Variants in ARHGAP12 observed in about 807,000 individuals in gnomAD.
The protein encoded by ARHGAP12 is rho GTPase-activating protein 12.
Under a neutral mutation model 108.6 loss-of-function variants are expected in ARHGAP12, and 64 were observed. The ratio of observed to expected loss-of-function variants is 0.59; its 90% confidence interval spans 0.48 to 0.73. The LOEUF is 0.73. Ranked by LOEUF, ARHGAP12 falls within the 30% of genes least tolerant of loss-of-function variation. The pLI is 0.00. For missense variants in ARHGAP12, 940 were observed against 1,005.9 expected (o/e 0.93, Z 0.89); for synonymous variants, 312 against 337.2 (o/e 0.93, Z 0.82).
At chr10:31,856,585 C>T (rs988578613) in intron 4 of ARHGAP12, among the ~76,000 whole-genome samples, 2 of 152,144 alleles carry the variant, frequency 1.3e-5, no homozygotes, top group African/African-American at 4.8e-5. Flanking sequence ...ATTAATACTA[C>T]CTGGGTGGCT....
At chr10:31,893,847 A>G (rs1159509097) in intron 3 of ARHGAP12, among the ~76,000 whole-genome samples, 1 of 152,246 alleles carries the variant, frequency 6.6e-6, no homozygotes, top group Non-Finnish European at 1.5e-5. Context: ...AAAAATCCTC[A>G]ATAAAATACT....
intron 12 of ARHGAP12, 30 bp from the exon 13 acceptor site, chr10:31,817,916 T>A: frequency 6.4e-7 from 1 of 1,561,442 alleles, no homozygotes; most frequent in East Asian, 2.2e-5. Flanking sequence ...GAAAAAAGAG[T>A]ATGGTCAGTT....
rs1554773973 is a variant in ARHGAP12, at chr10:31,816,179, G to GTGTA, written c.1731+1608_1731+1609insTACA. 2.7e-5 allele frequency among the ~76,000 whole-genome samples: 4 copies of GTGTA among 149,860 alleles called. No homozygotes were observed. In the East Asian group the frequency reaches 7.9e-4, roughly 29 times the overall value. ...AAGAAAGAAAGAAACGTGTGTGTGT[G>GTGTA]TGTGTGTGTGTGTGTGTGTGTGTGT... is the stretch of plus-strand genomic sequence containing the variant. On this transcript the variant is annotated intron_variant, in intron 13 of 19. Coordinates refer to ENST00000344936, the MANE Select transcript of ARHGAP12 (RefSeq NM_018287.7).
intron 16 of ARHGAP12, 26 bp from the exon 17 acceptor site, chr10:31,809,333 T>C: frequency 6.2e-7 from 1 of 1,603,734 alleles, no homozygotes; most frequent in Non-Finnish European, 8.5e-7. Flanking sequence ...AATTTGTGTG[T>C]GTGTGTGTTT....
At chr10:31,826,169 A>T in intron 11 of ARHGAP12, 135 bp downstream of exon 11, 1 of 608,812 alleles carries the variant, frequency 1.6e-6, no homozygotes, top group East Asian at 2.9e-5. Context: ...ATGAATCTTT[A>T]AGAAGATTTT....
At chr10:31,848,659 C>A (rs1836556087) in intron 6 of ARHGAP12, among the ~76,000 whole-genome samples, 1 of 152,126 alleles carries the variant, frequency 6.6e-6, no homozygotes, top group Admixed American at 6.5e-5. Flanking sequence ...ATTTATTCAT[C>A]ATATTTACCT....
chr10:31,818,562 A>T (rs1835293875), intron 12 of ARHGAP12, among the ~76,000 whole-genome samples: 1 of 151,990 alleles, frequency 6.6e-6, no homozygotes, highest in Admixed American at 6.6e-5. Context: ...TGTGGAAAGC[A>T]CTCCTCCCAT....
intron 1 of ARHGAP12, among the ~76,000 whole-genome samples, chr10:31,923,341 G>A (rs1317948994): frequency 1.3e-5 from 2 of 152,066 alleles, no homozygotes; most frequent in East Asian, 3.8e-4. Flanking sequence ...AGGGCCAGTG[G>A]AACTCACACA....
chr10:31,836,734 G>C (rs1329377317), intron 9 of ARHGAP12, among the ~76,000 whole-genome samples: 1 of 152,160 alleles, frequency 6.6e-6, no homozygotes, highest in Admixed American at 6.5e-5. Flanking sequence ...GAGTGAGAAA[G>C]AGACGCAAGA....
chr10:31,915,834 ATAAT>A (rs1008813569), intron 1 of ARHGAP12, among the ~76,000 whole-genome samples: 1 of 152,246 alleles, frequency 6.6e-6, no homozygotes, highest in Non-Finnish European at 1.5e-5. Context: ...TCTGAAAAAA[ATAAT>A]TAAAATGATT....
At chr10:31,827,931 TTAAGA>T (rs1456868668) in intron 10 of ARHGAP12, among the ~76,000 whole-genome samples, 7 of 152,200 alleles carry the variant, frequency 4.6e-5, no homozygotes, top group African/African-American at 7.2e-5. Context: ...ACTTTATGGA[TTAAGA>T]TAAGTGAAAT....
At chr10:31,861,338 T>C (rs1651326141) in intron 4 of ARHGAP12, 57 bp downstream of exon 4, 1 of 1,534,814 alleles carries the variant, frequency 6.5e-7, no homozygotes, top group Non-Finnish European at 8.7e-7. Flanking sequence ...CTTTGGTTTC[T>C]GAATAATGAA....
chr10:31,832,300 A>C (rs1835862671), intron 9 of ARHGAP12, among the ~76,000 whole-genome samples: 1 of 152,216 alleles, frequency 6.6e-6, no homozygotes, highest in South Asian at 2.1e-4. Flanking sequence ...AACTGGTATC[A>C]TGTACAGAAC....
chr10:31,827,804 CA>C (rs1564374312), intron 10 of ARHGAP12, among the ~76,000 whole-genome samples: 1 of 137,248 alleles, frequency 7.3e-6, no homozygotes, highest in Non-Finnish European at 1.5e-5. Flanking sequence ...GAAAAAAAAA[CA>C]AAAACAAAAA....
At chr10:31,822,023 G>A (rs955015259) in intron 11 of ARHGAP12, among the ~76,000 whole-genome samples, 1 of 151,150 alleles carries the variant, frequency 6.6e-6, no homozygotes, top group Non-Finnish European at 1.5e-5. Context: ...ATACAAATAA[G>A]CAACCAAATA....
intron 10 of ARHGAP12, among the ~76,000 whole-genome samples, chr10:31,829,938 A>G (rs1204245028): frequency 6.6e-6 from 1 of 152,196 alleles, no homozygotes; most frequent in Admixed American, 6.5e-5. Context: ...AAACAAAATA[A>G]TATGTCACAA....
chr10:31,852,954 C>A (rs1221709166), intron 5 of ARHGAP12, among the ~76,000 whole-genome samples: 1 of 152,060 alleles, frequency 6.6e-6, no homozygotes. Flanking sequence ...TATCGAAATC[C>A]TGACCTCCGG....
chr10:31,823,045 A>G (rs539120465), intron 11 of ARHGAP12, among the ~76,000 whole-genome samples: 52 of 152,312 alleles, frequency 3.4e-4, no homozygotes, highest in African/African-American at 1.0e-3. Context: ...TTAAATGCTC[A>G]AGGAATATGA....
At position 31,820,383 on chromosome 10, in the gene ARHGAP12, T is replaced by G; in HGVS notation, c.1632+4A>C. The G allele has an allele frequency of 6.3e-7, 1 of 1,596,800 alleles. No individual in the cohort carries two copies. ...TGTGTTATACTTAGAAAAAAATGTA[T>G]TACCTCAAATACATTCTTTTTGCTG... On this transcript the variant is annotated splice_donor_region_variant and intron_variant, in intron 12 of 19. Transcript: ENST00000344936.
Sources: allele counts gnomAD v4.1 joint callset (sites outside exome capture counted in the v4.1 genomes callset), GRCh38; gene constraint gnomAD v4.1.1; transcripts MANE v1.5; gene names NCBI Gene and HGNC (gene_info 2026-07-23, HGNC 2026-07-21).